The following CSF2RA variants were observed in gnomAD, a reference collection of about 807,000 sequenced individuals.
The protein encoded by CSF2RA is colony stimulating factor 2 receptor subunit alpha.
Under a neutral mutation model 51.6 loss-of-function variants are expected in CSF2RA, and 42 were observed. The ratio of observed to expected loss-of-function variants is 0.81; its 90% confidence interval spans 0.64 to 1.05. CSF2RA has a LOEUF of 1.05. CSF2RA is among the 50% of genes least tolerant of loss of function. The pLI, the probability that CSF2RA is intolerant of heterozygous loss-of-function variation, is 0.00. For synonymous variants in CSF2RA, 222 were observed against 193.0 expected (o/e 1.15, Z -1.24); for missense variants, 530 against 501.1 (o/e 1.06, Z -0.55).
At chrX:1,309,202 C>T (rs1264482778) in intron 12 of CSF2RA, among the ~76,000 whole-genome samples, 200 bp from the exon 13 acceptor site, 1 of 152,190 alleles carries the variant, frequency 6.6e-6, no homozygotes, top group Non-Finnish European at 1.5e-5. Flanking sequence ...GTAATCCCAG[C>T]TACTCAGGAG....
chrX:1,322,172 C>A, the CSF2RA span, among the ~76,000 whole-genome samples: 5 of 151,748 alleles, frequency 3.3e-5, no homozygotes, highest in African/African-American at 1.2e-4. Context: ...ATGGCGCAAT[C>A]TCTGGTCAAC....
At chrX:1,292,792 G>T (rs1320578026) in intron 7 of CSF2RA, among the ~76,000 whole-genome samples, 1 of 152,130 alleles carries the variant, frequency 6.6e-6, no homozygotes, top group Non-Finnish European at 1.5e-5. Flanking sequence ...GAGACGGAGG[G>T]CTTCCTCTTA....
the CSF2RA span, among the ~76,000 whole-genome samples, chrX:1,324,141 C>A: frequency 6.6e-6 from 1 of 151,714 alleles, no homozygotes; most frequent in African/African-American, 2.4e-5. Flanking sequence ...GCTAAGATCA[C>A]GCCGCTGCAC....
intron 2 of CSF2RA, among the ~76,000 whole-genome samples, chrX:1,276,517 G>A (rs2089217075): frequency 6.6e-6 from 1 of 151,912 alleles, no homozygotes; most frequent in Admixed American, 6.6e-5. Flanking sequence ...GGGAGTACAG[G>A]CGCCCGCCAT....
chrX:1,305,360 G>T, intron 11 of CSF2RA, 86 bp from the exon 12 acceptor site: 1 of 1,442,398 alleles, frequency 6.9e-7, no homozygotes, highest in Non-Finnish European at 9.8e-7. Context: ...CACCCCGCAC[G>T]CAGCATCCCT....
chrX:1,305,767 G>A, intron 12 of CSF2RA: 1 of 1,551,420 alleles, frequency 6.4e-7, no homozygotes, highest in Non-Finnish European at 8.7e-7. Context: ...GCAGGGTGGT[G>A]GTCAAGAAAA....
At chrX:1,306,444 C>T (rs1439437239) in intron 12 of CSF2RA, among the ~76,000 whole-genome samples, 9 of 151,878 alleles carry the variant, frequency 5.9e-5, no homozygotes, top group East Asian at 1.9e-4. Context: ...GTCGGGAGTT[C>T]GAGACCAGCC....
rs1255592931 is a variant in CSF2RA at position 1,309,565 on chromosome X, T to C, written c.*86T>C. The C allele has an allele frequency of 1.2e-6, 2 of 1,613,840 alleles. No homozygotes were observed. The highest frequency in any genetic ancestry group is 1.7e-6 in the Non-Finnish European group (2 of 1,179,872). ...TTCTTGATGATGCTGTGAACCTTTA[T>C]ATCATTTTCTATGTTTTTATTTAAA... On this transcript the variant is annotated 3_prime_UTR_variant, in exon 13 of 13. Transcript: ENST00000381529.
At chrX:1,277,675 G>C (rs2089362775) in intron 2 of CSF2RA, among the ~76,000 whole-genome samples, 1 of 147,810 alleles carries the variant, frequency 6.8e-6, no homozygotes. Flanking sequence ...GTAAAACAGT[G>C]AAAGAATAGC....
rs1254364885 is a variant in CSF2RA, at chrX:1,278,338, A to T, written c.-27+3520A>T. Reference sequence around the variant, plus strand: ...ACAGAATGAGACTCAGTCTCAAAAAAACAAAAGATTTCAGGGCGAGCAAGT... The same window carrying T: ...ACAGAATGAGACTCAGTCTCAAAAATACAAAAGATTTCAGGGCGAGCAAGT... On this transcript the variant is annotated intron_variant, in intron 2 of 12. Transcript: ENST00000381529. Among the ~76,000 whole-genome samples, 4 of 148,338 alleles carry T rather than the reference A, an allele frequency of 2.7e-5. No homozygotes were observed. In the South Asian group the frequency reaches 6.4e-4, roughly 24 times the overall value.
chrX:1,280,934 C>T lies in CSF2RA; in HGVS notation c.-26-1744C>T, dbSNP rs868263610. On this transcript the variant is annotated intron_variant, in intron 2 of 12. Transcript: ENST00000381529. Reference sequence around the variant, plus strand: ...TTCTCCTCCTCCTCCTCCTTCTCCTCCTCCTCCTCCTGCTTCTCCTCCTCC... The same window carrying T: ...TTCTCCTCCTCCTCCTCCTTCTCCTTCTCCTCCTCCTGCTTCTCCTCCTCC... 6.0e-3 allele frequency among the ~76,000 whole-genome samples: 462 copies of T among 76,942 alleles called. 8 individuals carry two copies. The highest frequency in any genetic ancestry group is 6.8e-3 in the Non-Finnish European group (250 of 36,858). The allele number at this position is 76,942 out of a possible 152,430, so 50.5% of individuals were successfully genotyped here.
intron 2 of CSF2RA, among the ~76,000 whole-genome samples, chrX:1,280,647 C>G (rs2089791332): frequency 6.8e-6 from 1 of 147,888 alleles, no homozygotes; most frequent in Admixed American, 6.8e-5. Flanking sequence ...CCTTCTCCCC[C>G]CTTCCTCCTC....
At chrX:1,295,357 G>A (rs367910818) in intron 8 of CSF2RA, 70 bp from the exon 9 acceptor site, 45 of 1,600,220 alleles carry the variant, frequency 2.8e-5, no homozygotes, top group Non-Finnish European at 3.5e-5. Context: ...GGGAGACACT[G>A]TGTGAACCAT....
chrX:1,297,140 CCT>C (rs1205078789), intron 9 of CSF2RA, among the ~76,000 whole-genome samples: 7 of 59,958 alleles, frequency 1.2e-4, no homozygotes, highest in East Asian at 4.0e-4. Context: ...ACCCATGACC[CCT>C]GGCGGAACCC....
chrX:1,311,109 T>C (rs748720080), downstream of CSF2RA, among the ~76,000 whole-genome samples: 72 of 151,080 alleles, frequency 4.8e-4, no homozygotes, highest in Middle Eastern at 3.4e-3. Context: ...GTTAGCTGGG[T>C]GTGGTGGCGG....
intron 9 of CSF2RA, among the ~76,000 whole-genome samples, chrX:1,299,823 C>T (rs1258946067): frequency 1.3e-5 from 2 of 152,032 alleles, no homozygotes; most frequent in African/African-American, 4.8e-5. Flanking sequence ...GAGGCTGAGG[C>T]AGGAGAATGG....
At chrX:1,300,677 G>C (rs1287368386) in intron 10 of CSF2RA, 51 bp downstream of exon 10, 1 of 1,613,460 alleles carries the variant, frequency 6.2e-7, no homozygotes, top group African/African-American at 1.3e-5. Context: ...CGGCCACCCT[G>C]CAGCAGGCAC....
chrX:1,323,316 C>CTGG, the CSF2RA span, among the ~76,000 whole-genome samples: 2 of 150,862 alleles, frequency 1.3e-5, no homozygotes, highest in South Asian at 4.2e-4. Context: ...GAGTTCAAGA[C>CTGG]CGGCCTGGCC....
chrX:1,309,288 C>G, intron 12 of CSF2RA, 114 bp from the exon 13 acceptor site: 1 of 1,127,932 alleles, frequency 8.9e-7, no homozygotes, highest in Non-Finnish European at 1.3e-6. Flanking sequence ...GCACTCCAGC[C>G]TGGGCAATAG....
Sources: allele counts gnomAD v4.1 joint callset (sites outside exome capture counted in the v4.1 genomes callset), GRCh38; gene constraint gnomAD v4.1.1; transcripts MANE v1.5; gene names NCBI Gene and HGNC (gene_info 2026-07-23, HGNC 2026-07-21).